The following CAST variants were observed in gnomAD, a reference collection of about 807,000 sequenced individuals.
CAST encodes calpastatin, also known as MIR583 host.
CAST carries 76 observed loss-of-function variants against 119.6 expected under a neutral mutation model. The ratio of observed to expected loss-of-function variants is 0.64; its 90% confidence interval spans 0.53 to 0.77. CAST has a LOEUF of 0.77. Ranked by LOEUF, CAST falls within the 30% of genes least tolerant of loss-of-function variation. The pLI is 0.00. For synonymous variants in CAST, 319 were observed against 331.6 expected, an observed-to-expected ratio of 0.96 and a Z score of 0.41; for missense variants, 953 against 946.5, an observed-to-expected ratio of 1.01 and a Z score of -0.09.
chr5:96,226,769 C>G, the CAST span, among the ~76,000 whole-genome samples: 1 of 152,142 alleles, frequency 6.6e-6, no homozygotes, highest in Non-Finnish European at 1.5e-5. Flanking sequence ...AACTTTCTCC[C>G]CCACTTGTTC....
At chr5:96,075,415 C>T in the CAST span, among the ~76,000 whole-genome samples, 2 of 152,246 alleles carry the variant, frequency 1.3e-5, no homozygotes, top group Admixed American at 1.3e-4. Flanking sequence ...AGTTATCACC[C>T]CTCTTGTCTT....
chr5:96,052,114 T>C, the CAST span, among the ~76,000 whole-genome samples: 2 of 152,294 alleles, frequency 1.3e-5, no homozygotes, highest in East Asian at 3.9e-4. Flanking sequence ...CATGGGTGTT[T>C]ATGTATTATT....
chr5:96,461,370 T>C, the CAST span, among the ~76,000 whole-genome samples: 1 of 152,142 alleles, frequency 6.6e-6, no homozygotes, highest in Non-Finnish European at 1.5e-5. Flanking sequence ...ATCTTGGGTA[T>C]ATAACGGTAG....
At chr5:96,464,194 A>G in the CAST span, among the ~76,000 whole-genome samples, 1 of 152,214 alleles carries the variant, frequency 6.6e-6, no homozygotes. Context: ...AAAAAAAACT[A>G]CAGAAAAGGT....
At chr5:96,587,046 A>T (rs964103437) in intron 1 of CAST, among the ~76,000 whole-genome samples, 6 of 152,226 alleles carry the variant, frequency 3.9e-5, no homozygotes, top group Non-Finnish European at 7.3e-5. Flanking sequence ...TGCTCTTTCT[A>T]CTACCTCACA....
intron 1 of CAST, among the ~76,000 whole-genome samples, chr5:96,542,259 C>A (rs924291635): frequency 6.7e-6 from 1 of 148,896 alleles, no homozygotes; most frequent in Non-Finnish European, 1.5e-5. Flanking sequence ...TGCAGTGAGC[C>A]GAGATCGCGC....
At chr5:96,105,413 A>G in the CAST span, among the ~76,000 whole-genome samples, 8 of 152,318 alleles carry the variant, frequency 5.3e-5, no homozygotes, top group Non-Finnish European at 1.2e-4. Context: ...GTGTCCCATC[A>G]ATACCTAATT....
chr5:96,637,339 C>T (rs1292735990), intron 1 of CAST, among the ~76,000 whole-genome samples: 2 of 152,166 alleles, frequency 1.3e-5, no homozygotes, highest in African/African-American at 4.8e-5. Flanking sequence ...GTTCACAAGG[C>T]AACTCAGAGG....
the CAST span, among the ~76,000 whole-genome samples, chr5:95,996,708 G>A: frequency 6.6e-6 from 1 of 152,146 alleles, no homozygotes; most frequent in African/African-American, 2.4e-5. Flanking sequence ...CTGTTAAGAT[G>A]TAAATTACTT....
At chr5:96,487,548 T>C in the CAST span, among the ~76,000 whole-genome samples, 2 of 152,192 alleles carry the variant, frequency 1.3e-5, no homozygotes, top group African/African-American at 2.4e-5. Flanking sequence ...GACAAATCTA[T>C]TCTCAGACAC....
At chr5:96,211,402 G>A in the CAST span, among the ~76,000 whole-genome samples, 1 of 151,864 alleles carries the variant, frequency 6.6e-6, no homozygotes, top group Non-Finnish European at 1.5e-5. Context: ...ATGATCATGT[G>A]ATATTTTTCT....
chr5:96,432,722 G>T, the CAST span: 1 of 688,664 alleles, frequency 1.5e-6, no homozygotes, highest in Non-Finnish European at 2.6e-6. Context: ...CGCGACAGGG[G>T]CGAGGGCTGG....
At chr5:96,427,665 C>A in the CAST span, among the ~76,000 whole-genome samples, 1 of 152,064 alleles carries the variant, frequency 6.6e-6, no homozygotes, top group Admixed American at 6.5e-5. Flanking sequence ...TCATGAGATA[C>A]TTTGAGTAAG....
At chr5:96,649,806 G>C (rs1357980044) in intron 1 of CAST, among the ~76,000 whole-genome samples, 4 of 152,188 alleles carry the variant, frequency 2.6e-5, no homozygotes, top group Non-Finnish European at 5.9e-5. Context: ...GTTCCTGTTA[G>C]AGTTGCATTT....
intron 3 of CAST, among the ~76,000 whole-genome samples, chr5:96,720,242 G>A (rs1251660002): frequency 6.6e-6 from 1 of 152,198 alleles, no homozygotes; most frequent in East Asian, 1.9e-4. Flanking sequence ...ATTAAAGCTT[G>A]TATTAAACTT....
At chr5:96,287,588 T>C in the CAST span, among the ~76,000 whole-genome samples, 28 of 152,224 alleles carry the variant, frequency 1.8e-4, 1 homozygote, top group Admixed American at 1.3e-3. Context: ...TGTGTGACCC[T>C]CAGATCTATT....
At chr5:96,667,594 C>T (rs956582233) in intron 1 of CAST, among the ~76,000 whole-genome samples, 4 of 152,178 alleles carry the variant, frequency 2.6e-5, no homozygotes, top group African/African-American at 9.7e-5. Context: ...TTGTCATGTC[C>T]ACTGAAATCT....
intron 1 of CAST, among the ~76,000 whole-genome samples, chr5:96,570,421 G>A (rs1746548366): frequency 6.6e-6 from 1 of 151,736 alleles, no homozygotes; most frequent in African/African-American, 2.4e-5. Flanking sequence ...GAAAGGATTA[G>A]GGAAAAGCTA....
At chr5:96,717,317 G>T (rs1037414365) in intron 3 of CAST, among the ~76,000 whole-genome samples, 2 of 152,222 alleles carry the variant, frequency 1.3e-5, no homozygotes, top group African/African-American at 4.8e-5. Context: ...GATGCAAATA[G>T]TGTATCTTGA....
Sources: allele counts gnomAD v4.1 joint callset (sites outside exome capture counted in the v4.1 genomes callset), GRCh38; gene constraint gnomAD v4.1.1; transcripts MANE v1.5; gene names NCBI Gene and HGNC (gene_info 2026-07-23, HGNC 2026-07-21).